Variants in ZC3H12B observed in about 807,000 individuals in gnomAD.
The protein encoded by ZC3H12B is probable ribonuclease ZC3H12B.
Under a neutral mutation model 43.9 loss-of-function variants are expected in ZC3H12B, and 7 were observed. The ratio of observed to expected loss-of-function variants is 0.16; its 90% CI spans 0.09 to 0.30. The LOEUF is 0.30. Among genes scored for constraint, ZC3H12B ranks in the 10% least tolerant of loss-of-function variants. The pLI, the probability that ZC3H12B is intolerant of heterozygous loss-of-function variation, is 1.00. For missense variants in ZC3H12B, 475 were observed against 670.2 expected (o/e 0.71, Z 3.22); for synonymous variants, 222 against 241.7 (o/e 0.92, Z 0.76).
chrX:65,409,666 T>G (rs1035697580), intron 3 of ZC3H12B, among the ~76,000 whole-genome samples: 1 of 109,462 alleles, frequency 9.1e-6, no homozygotes, highest in Admixed American at 9.8e-5. Context: ...TCAATTGCAT[T>G]TCTACATCCC....
the ZC3H12B span, among the ~76,000 whole-genome samples, chrX:65,134,151 G>A: frequency 9.0e-6 from 1 of 110,815 alleles, no homozygotes; most frequent in Non-Finnish European, 1.9e-5. Context: ...TGCCCATAGT[G>A]AAGGAGGCAA....
the ZC3H12B span, among the ~76,000 whole-genome samples, chrX:65,165,854 C>A: frequency 4.5e-5 from 5 of 111,869 alleles, no homozygotes; most frequent in African/African-American, 1.6e-4. Flanking sequence ...GGTTCTAGAT[C>A]CTTCAGGAAT....
the ZC3H12B span, among the ~76,000 whole-genome samples, chrX:65,091,751 G>A: frequency 2.7e-5 from 3 of 111,947 alleles, no homozygotes; most frequent in Admixed American, 2.8e-4. Context: ...TCAAATACCG[G>A]TTTGTAGTTA....
chrX:65,290,944 C>T, the ZC3H12B span, among the ~76,000 whole-genome samples: 1 of 111,168 alleles, frequency 9.0e-6, no homozygotes, highest in African/African-American at 3.3e-5. Flanking sequence ...TGTTTGATAG[C>T]AGAGTAAGAT....
chrX:65,340,567 G>C, the ZC3H12B span, among the ~76,000 whole-genome samples: 23 of 112,059 alleles, frequency 2.1e-4, no homozygotes, highest in Non-Finnish European at 1.9e-5. Context: ...CCCAGATTTA[G>C]AGCAGGCAGT....
At chrX:65,190,563 G>T in the ZC3H12B span, among the ~76,000 whole-genome samples, 1 of 105,707 alleles carries the variant, frequency 9.5e-6, no homozygotes, top group Non-Finnish European at 1.9e-5. Context: ...TGAAGCAATT[G>T]TGAATGGGAG....
At chrX:65,060,986 A>G in the ZC3H12B span, among the ~76,000 whole-genome samples, 1 of 111,235 alleles carries the variant, frequency 9.0e-6, no homozygotes, top group South Asian at 3.8e-4. Flanking sequence ...TCCTGTGTCA[A>G]TCTTGGTAGG....
the ZC3H12B span, among the ~76,000 whole-genome samples, chrX:65,348,122 C>T: frequency 4.5e-5 from 5 of 111,471 alleles, no homozygotes; most frequent in Non-Finnish European, 7.5e-5. Flanking sequence ...AGGAGATATA[C>T]CTAATGTAAA....
At chrX:65,056,438 C>T in the ZC3H12B span, among the ~76,000 whole-genome samples, 50 of 111,780 alleles carry the variant, frequency 4.5e-4, no homozygotes, top group Non-Finnish European at 7.2e-4. Context: ...AGTTTGATTG[C>T]ACTGTGGTCT....
chrX:65,234,111 A>G, the ZC3H12B span, among the ~76,000 whole-genome samples: 3 of 111,705 alleles, frequency 2.7e-5, no homozygotes, highest in African/African-American at 9.8e-5. Flanking sequence ...ATATGCATAC[A>G]AAAATACTAG....
the ZC3H12B span, among the ~76,000 whole-genome samples, chrX:65,094,229 C>T: frequency 8.4e-5 from 9 of 106,914 alleles, no homozygotes; most frequent in East Asian, 2.9e-4. Flanking sequence ...GCTTCCTGTG[C>T]GGCCTGTGGA....
chrX:65,502,893 C>T lies in ZC3H12B; in HGVS notation c.2195C>T (p.Pro732Leu), dbSNP rs772825957. Reference sequence around the variant, plus strand: ...CGGGAACAGCATGCCAGCTGGGACCCGCTGCCCTGTACAACTGACTCCTAT... The same window carrying T: ...CGGGAACAGCATGCCAGCTGGGACCTGCTGCCCTGTACAACTGACTCCTAT... The change falls in exon 5 of 5, where the codon CCG (proline) becomes CTG (leucine). Residue 732 changes from proline to leucine, a missense_variant. Pro to Leu is a moderately conservative substitution (Grantham distance 98, BLOSUM62 -3). Around this residue, in one of 3 missense-constraint regions of ZC3H12B, gnomAD observed 289 missense variants for 359.9 expected, o/e 0.80. Transcript: ENST00000338957. 38 of 1,209,671 alleles carry T rather than the reference C, an allele frequency of 3.1e-5. No homozygotes were observed. In the Admixed American group the frequency reaches 4.6e-4, roughly 15 times the overall value.
At chrX:65,475,549 A>G (rs1268809035) in intron 3 of ZC3H12B, among the ~76,000 whole-genome samples, 1 of 111,531 alleles carries the variant, frequency 9.0e-6, no homozygotes, top group African/African-American at 3.3e-5. Flanking sequence ...CTTACATGCA[A>G]AGATTCACTT....
the ZC3H12B span, among the ~76,000 whole-genome samples, chrX:65,136,148 CT>C: frequency 9.0e-6 from 1 of 111,021 alleles, no homozygotes; most frequent in Admixed American, 9.6e-5. Context: ...GACTTTGGGC[CT>C]TGGTTAAGTG....
the ZC3H12B span, among the ~76,000 whole-genome samples, chrX:65,152,624 A>G: frequency 8.9e-6 from 1 of 111,797 alleles, no homozygotes; most frequent in East Asian, 2.8e-4. Context: ...GCTCATGGGT[A>G]GGAAGAATCA....
upstream of ZC3H12B, among the ~76,000 whole-genome samples, chrX:65,486,459 G>T (rs1243639745): frequency 8.9e-6 from 1 of 111,953 alleles, no homozygotes; most frequent in African/African-American, 3.2e-5. Flanking sequence ...TTGCTGTCTT[G>T]TCCCAAGGAT....
chrX:65,327,425 G>T, the ZC3H12B span, among the ~76,000 whole-genome samples: 1 of 111,165 alleles, frequency 9.0e-6, no homozygotes, highest in Non-Finnish European at 1.9e-5. Flanking sequence ...CATACATTGT[G>T]TCTATTATGT....
chrX:65,315,739 A>G, the ZC3H12B span, among the ~76,000 whole-genome samples: 14 of 112,299 alleles, frequency 1.2e-4, no homozygotes, highest in East Asian at 3.9e-3. Context: ...CACAAGAACT[A>G]TGGCAACTTA....
chrX:65,465,868 G>A (rs968767791), intron 3 of ZC3H12B, among the ~76,000 whole-genome samples: 12 of 108,573 alleles, frequency 1.1e-4, no homozygotes, highest in Admixed American at 8.0e-4. Context: ...TACATTTAAG[G>A]CATACAACTT....
Sources: gnomAD v4.1 joint callset for allele counts (sites outside exome capture counted in the v4.1 genomes callset) on GRCh38, gnomAD v4.1.1 for gene constraint, gnomAD v4.1.1 regional missense constraint, MANE v1.5 for transcripts, NCBI Gene and HGNC (gene_info 2026-07-23, HGNC 2026-07-21) for gene names.